FGD6: variants seen among roughly 807,000 people sequenced by gnomAD.
The protein encoded by FGD6 is FYVE, RhoGEF and PH domain-containing protein 6.
Under a neutral mutation model 149.4 loss-of-function variants are expected in FGD6, and 90 were observed. The ratio of observed to expected loss-of-function variants is 0.60; its 90% confidence interval spans 0.51 to 0.72. The LOEUF (loss-of-function observed/expected upper bound fraction) is 0.72. Among genes scored for constraint, FGD6 ranks in the 30% least tolerant of loss-of-function variants. The probability of loss-of-function intolerance (pLI) is 0.00; values close to 1 mark genes in which losing one functional copy is unlikely to be tolerated. For synonymous variants in FGD6, 527 were observed against 584.0 expected, an observed-to-expected ratio of 0.90 and a Z score of 1.41; for missense variants, 1,437 against 1,684.8, an observed-to-expected ratio of 0.85 and a Z score of 2.57.
chr12:95,119,109 T>C (rs1879108381), intron 8 of FGD6, among the ~76,000 whole-genome samples: 1 of 151,874 alleles, frequency 6.6e-6, no homozygotes, highest in Non-Finnish European at 1.5e-5. Context: ...TAGATGATGA[T>C]GATGATAATA....
At chr12:95,148,580 G>T (rs55661499) in intron 5 of FGD6, among the ~76,000 whole-genome samples, 10 of 102,072 alleles carry the variant, frequency 9.8e-5, no homozygotes, top group East Asian at 3.5e-4. Flanking sequence ...ATAATACATA[G>T]CATATATTAT....
chr12:95,093,404 G>T (rs1245338489), intron 15 of FGD6, among the ~76,000 whole-genome samples: 4 of 152,068 alleles, frequency 2.6e-5, no homozygotes, highest in Non-Finnish European at 5.9e-5. Context: ...AAATTGCCAG[G>T]CGCGGTGGCT....
intron 3 of FGD6, among the ~76,000 whole-genome samples, chr12:95,168,817 G>A (rs1239355872): frequency 6.6e-6 from 1 of 152,116 alleles, no homozygotes; most frequent in Non-Finnish European, 1.5e-5. Context: ...TTTACAGATG[G>A]GGAAACTAAG....
At chr12:95,152,093 A>G (rs1880324994) in intron 5 of FGD6, among the ~76,000 whole-genome samples, 1 of 152,182 alleles carries the variant, frequency 6.6e-6, no homozygotes. Context: ...TAGGAGGCCA[A>G]GGCGGGTTGA....
chr12:95,120,131 A>C (rs117516378), intron 8 of FGD6, among the ~76,000 whole-genome samples: 5,030 of 151,750 alleles, frequency 0.033, 117 homozygotes, highest in Middle Eastern at 0.075. Flanking sequence ...CAGGAGGCTG[A>C]GACAGAAGAA....
At chr12:95,206,707 A>G (rs1358333763) in intron 2 of FGD6, among the ~76,000 whole-genome samples, 2 of 151,830 alleles carry the variant, frequency 1.3e-5, no homozygotes, top group African/African-American at 2.4e-5. Flanking sequence ...AGAAAAAAAA[A>G]AAAAAAAAGA....
chr12:95,082,613 C>T (rs1877714486), intron 20 of FGD6, among the ~76,000 whole-genome samples: 2 of 144,920 alleles, frequency 1.4e-5, no homozygotes, highest in South Asian at 2.2e-4. Context: ...GCTGAGACTG[C>T]GCCACTGAAC....
chr12:95,097,519 A>C (rs1184370429), intron 14 of FGD6, among the ~76,000 whole-genome samples: 1 of 150,234 alleles, frequency 6.7e-6, no homozygotes, highest in Non-Finnish European at 1.5e-5. Flanking sequence ...ACCTGTAGTC[A>C]TTGCTACTCA....
In FGD6 at chr12:95,094,711, G is replaced by A. The variant is rs1565894186; in HGVS notation, c.3498-17C>T. ...GTGGCAGAACTGTTGGGGGCAAAAG[G>A]TTTCATCAACCAGATGTCAGTTTTT... On this transcript the variant is annotated splice_polypyrimidine_tract_variant and intron_variant, in intron 14 of 20. Transcript: ENST00000343958. The A allele has an allele frequency of 6.4e-7, 1 of 1,574,378 alleles. No homozygotes were observed. Among genetic ancestry groups the A allele is most frequent in the Non-Finnish European group, 8.7e-7 (1 of 1,147,950 alleles).
At chr12:95,119,381 T>A (rs1302955982) in intron 8 of FGD6, among the ~76,000 whole-genome samples, 1 of 152,212 alleles carries the variant, frequency 6.6e-6, no homozygotes, top group Non-Finnish European at 1.5e-5. Context: ...GAAAAACAAT[T>A]ACTAAACTAT....
At chr12:95,102,367 C>G (rs1878468217) in intron 14 of FGD6, among the ~76,000 whole-genome samples, 1 of 145,514 alleles carries the variant, frequency 6.9e-6, no homozygotes, top group Non-Finnish European at 1.5e-5. Context: ...TCGCTTGAAG[C>G]CGGGAGGCGG....
At chr12:95,159,942 G>A (rs536238718) in intron 3 of FGD6, among the ~76,000 whole-genome samples, 1 of 152,244 alleles carries the variant, frequency 6.6e-6, no homozygotes, top group South Asian at 2.1e-4. Context: ...AGGAGTTTGA[G>A]GCTGCAGTGA....
intron 2 of FGD6, 77 bp from the exon 3 acceptor site, chr12:95,172,821 C>G (rs959294658): frequency 3.3e-6 from 4 of 1,208,596 alleles, no homozygotes; most frequent in Non-Finnish European, 4.5e-6. Context: ...AAATCAACAT[C>G]TTATCTTCAT....
At chr12:95,143,173 T>C (rs12369441) in intron 5 of FGD6, among the ~76,000 whole-genome samples, 11,682 of 152,240 alleles carry the variant, frequency 0.077, 610 homozygotes, top group East Asian at 0.25. Context: ...CCAACTGCTT[T>C]CCCTTCAGGG....
Position 95,210,384 on chromosome 12 carries a change from G to T in FGD6, c.900C>A (p.Pro300=), listed in dbSNP as rs144086293. ...SKKSEVKDLG[P]LEIHLVPYTP... ...TATATGGTACTAAATGAATTTCTAA[G>T]GGACCAAGGTCTTTGACTTCTGATT... Residue 300 remains proline (P), a synonymous_variant, in exon 2 of 21, where the codon CCC becomes CCA. Transcript: ENST00000343958. 6.2e-7 allele frequency: 1 copy of T among 1,613,540 alleles called. No individual in the cohort carries two copies. The highest frequency in any genetic ancestry group is 8.5e-7 in the Non-Finnish European group (1 of 1,179,914).
intron 2 of FGD6, among the ~76,000 whole-genome samples, chr12:95,204,210 A>G (rs769515741): frequency 6.6e-6 from 1 of 152,030 alleles, no homozygotes; most frequent in Non-Finnish European, 1.5e-5. Context: ...GGAACACCTA[A>G]AGCTATGGTT....
intron 20 of FGD6, among the ~76,000 whole-genome samples, chr12:95,082,483 C>A (rs1319362534): frequency 6.6e-6 from 1 of 151,598 alleles, no homozygotes; most frequent in East Asian, 1.9e-4. Flanking sequence ...TATGGTGAAA[C>A]CCTGTCTCTA....
chr12:95,146,826 A>G (rs1437934941), intron 5 of FGD6, among the ~76,000 whole-genome samples: 3 of 152,198 alleles, frequency 2.0e-5, no homozygotes, highest in South Asian at 2.1e-4. Flanking sequence ...CTTTTGAGAT[A>G]TTAACATACC....
rs777597747 is a variant in FGD6 at position 95,172,678 on chromosome 12, T to C, written c.2508A>G (p.Glu836=). Reference sequence around the variant, plus strand: ...CATCTTCATCAGAACTGTTGATGATTTCCTCCTCATCAGAGGGAAGGTCAC... The same window carrying C: ...CATCTTCATCAGAACTGTTGATGATCTCCTCCTCATCAGAGGGAAGGTCAC... ...GLGDLPSDEE[E]IINSSDEDDV... is the part of the protein sequence containing the mutation. Residue 836 remains glutamate, a synonymous_variant, in exon 3 of 21, where the codon GAA becomes GAG. Coordinates refer to ENST00000343958, the MANE Select transcript of FGD6 (RefSeq NM_018351.4). 6.2e-7 allele frequency: 1 copy of C among 1,612,832 alleles called. No individual in the cohort carries two copies. Among genetic ancestry groups the C allele is most frequent in the Admixed American group, 1.7e-5 (1 of 59,960 alleles).
Sources: gnomAD v4.1 joint callset for allele counts (sites outside exome capture counted in the v4.1 genomes callset) on GRCh38, gnomAD v4.1.1 for gene constraint, MANE v1.5 for transcripts, NCBI Gene and HGNC (gene_info 2026-07-23, HGNC 2026-07-21) for gene names.